The following AKIP1 variants were observed in gnomAD, a reference collection of about 807,000 sequenced individuals.
AKIP1 encodes the protein A-kinase interacting protein 1.
Under a neutral mutation model 22.3 loss-of-function variants are expected in AKIP1, and 18 were observed. The ratio of observed to expected loss-of-function variants is 0.81; its 90% confidence interval spans 0.56 to 1.19. AKIP1 has a LOEUF of 1.19. Among genes scored for constraint, AKIP1 ranks in the 50% most tolerant of loss-of-function variants. The pLI is 0.00. For synonymous variants in AKIP1, 120 were observed against 102.7 expected (o/e 1.17, Z -1.02); for missense variants, 287 against 264.6 (o/e 1.08, Z -0.59).
At chr11:8,916,339 G>A (rs978809588) in intron 4 of AKIP1, among the ~76,000 whole-genome samples, 8 of 152,182 alleles carry the variant, frequency 5.3e-5, no homozygotes, top group Non-Finnish European at 1.0e-4. Flanking sequence ...TTTTGTAAAG[G>A]TAATAACAGT....
intron 2 of AKIP1, among the ~76,000 whole-genome samples, 158 bp downstream of exon 2, chr11:8,911,829 T>C (rs1217119526): frequency 1.3e-5 from 2 of 151,982 alleles, no homozygotes; most frequent in Admixed American, 1.3e-4. Context: ...TCAAAACGCT[T>C]TACATTTGAC....
intron 5 of AKIP1, among the ~76,000 whole-genome samples, chr11:8,918,467 T>G (rs902414960): frequency 2.6e-5 from 4 of 152,232 alleles, no homozygotes; most frequent in African/African-American, 9.6e-5. Context: ...TGCAATTTGC[T>G]GGCCAGTAGT....
In AKIP1 at chr11:8,911,805, A is replaced by C; in HGVS notation, c.222+134A>C. 4 of 889,304 alleles carry C rather than the reference A, an allele frequency of 4.5e-6. No individual in the cohort carries two copies. In the South Asian group the frequency reaches 7.6e-5, roughly 17 times the overall value. 55.1% of individuals were successfully genotyped at this position (889,304 alleles called of 1,614,324 possible). A position where few individuals can be genotyped will look rare whatever the true frequency, so the allele number is the denominator to read the frequency against. ...AAGCTGGAAAGGATCAGAACAATGA[A>C]TGGAAAAGTCCTTTCAAAACGCTTT... On this transcript the variant is annotated intron_variant, in intron 2 of 5. Coordinates refer to ENST00000309377, the MANE Select transcript of AKIP1 (RefSeq NM_020642.4).
intron 5 of AKIP1, 168 bp downstream of exon 5, chr11:8,917,535 G>T: frequency 1.6e-6 from 1 of 623,622 alleles, no homozygotes; most frequent in South Asian, 1.9e-5. Context: ...GTAAAATTAG[G>T]TTTTCTTGGT....
At chr11:8,912,399 T>G in intron 2 of AKIP1, 54 bp from the exon 3 acceptor site, 2 of 1,475,382 alleles carry the variant, frequency 1.4e-6, no homozygotes, top group South Asian at 1.1e-5. Context: ...AATGGCTTCA[T>G]TCTCCAGTAG....
chr11:8,912,699 A>G (rs1432427989), intron 3 of AKIP1, among the ~76,000 whole-genome samples, 166 bp downstream of exon 3: 2 of 152,164 alleles, frequency 1.3e-5, no homozygotes, highest in Non-Finnish European at 2.9e-5. Context: ...AATCCAAGTT[A>G]GAATTCACCC....
At chr11:8,917,940 A>G (rs564380675) in intron 5 of AKIP1, 1 of 154,852 alleles carries the variant, frequency 6.5e-6, no homozygotes, top group East Asian at 1.9e-4. Flanking sequence ...AAGGAACTTC[A>G]TTCAGCATGG....
chr11:8,911,620 C>T lies in AKIP1; in HGVS notation c.171C>T (p.Pro57=), dbSNP rs1207583610. The change falls in exon 2 of 6, where the codon CCC becomes CCT. Residue 57 remains proline (P), a synonymous_variant. Transcript: ENST00000309377. ...GCMGVLAREA[P]HLEKQPAAGP... Reference sequence around the variant, plus strand: ...TGGGGGTCCTTGCCCGGGAGGCGCCCCACCTAGAGAAACAGCCGGCAGCCG... The same window carrying T: ...TGGGGGTCCTTGCCCGGGAGGCGCCTCACCTAGAGAAACAGCCGGCAGCCG... The T allele has an allele frequency of 6.3e-7, 1 of 1,597,742 alleles. No individual in the cohort carries two copies. Among genetic ancestry groups the T allele is most frequent in the Admixed American group, 1.8e-5 (1 of 56,894 alleles).
Position 8,912,456 on chromosome 11 carries a change from GAA to G in AKIP1, c.227_228del (p.Glu76GlyfsTer7), listed in dbSNP as rs771242599. On this transcript the variant is annotated frameshift_variant, in exon 3 of 6. Coordinates refer to ENST00000309377, the MANE Select transcript of AKIP1 (RefSeq NM_020642.4). LOFTEE classifies it high-confidence loss of function. ...GACGTGCCATTTATTCAAATAGAGA[GAA>G]GAGAGACCCCCAACCCTTAGTGCTT... is the stretch of plus-strand genomic sequence containing the variant. Reference protein sequence around the residue: ...GPQRVLPGEREERPPTLSASF... With the variant: ...GPQRVLPGERXERPPTLSASF... The G allele has an allele frequency of 7.4e-6, 12 of 1,613,572 alleles. No homozygotes were observed. Among genetic ancestry groups the G allele is most frequent in the Non-Finnish European group, 4.2e-6 (5 of 1,179,578 alleles).
rs1224536801 is a variant in AKIP1 at position 8,919,499 on chromosome 11, T to A, written c.*19T>A. On this transcript the variant is annotated 3_prime_UTR_variant, in exon 6 of 6. Transcript: ENST00000309377. ...TGTGTGATGTTGACCATCACTGCCA[T>A]CACATCACCTTTTTTTAAGTAGTAA... 1 of 1,610,134 alleles carries A rather than the reference T, an allele frequency of 6.2e-7. No individual in the cohort carries two copies. The highest frequency in any genetic ancestry group is 8.5e-7 in the Non-Finnish European group (1 of 1,178,754).
chr11:8,916,841 G>T (rs2064493280), intron 4 of AKIP1, among the ~76,000 whole-genome samples: 1 of 152,172 alleles, frequency 6.6e-6, no homozygotes, highest in African/African-American at 2.4e-5. Flanking sequence ...TAAAATGTAA[G>T]TTCCCTCTAA....
rs777816809 is a variant in AKIP1 at position 8,914,931 on chromosome 11, G to C, written c.408+1G>C. ...GTGCTTGGACATAGGGAATGGTCAG[G>C]TAAGTGTACTCAACTGTCCTGCACC... On this transcript the variant is annotated splice_donor_variant, in intron 4 of 5. Coordinates refer to ENST00000309377, the MANE Select transcript of AKIP1 (RefSeq NM_020642.4). LOFTEE classifies it high-confidence loss of function. 4.3e-6 allele frequency: 7 copies of C among 1,610,626 alleles called. No individual in the cohort carries two copies. In the Admixed American group the frequency reaches 1.0e-4, roughly 23 times the overall value.
intron 4 of AKIP1, among the ~76,000 whole-genome samples, chr11:8,915,506 C>T (rs1175441360): frequency 6.6e-6 from 1 of 151,716 alleles, no homozygotes; most frequent in Non-Finnish European, 1.5e-5. Context: ...GGACTACAGG[C>T]ACATGCCACC....
chr11:8,917,629 T>G, intron 5 of AKIP1: 1 of 512,916 alleles, frequency 1.9e-6, no homozygotes. Flanking sequence ...AGTATTCACC[T>G]CTCAGTTCCT....
chr11:8,911,638 G>A lies in AKIP1; in HGVS notation c.189G>A (p.Pro63=), dbSNP rs777140823. 6.3e-6 allele frequency: 10 copies of A among 1,582,564 alleles called. No individual in the cohort carries two copies. In the African/African-American group the frequency reaches 8.1e-5, roughly 13 times the overall value. Residue 63 remains proline (P), a synonymous_variant, in exon 2 of 6, where the codon CCG becomes CCA. Transcript: ENST00000309377. ...AGGCGCCCCACCTAGAGAAACAGCC[G>A]GCAGCCGGCCCGCAGCGCGTTCTCC... ...AREAPHLEKQ[P]AAGPQRVLPG... is the part of the protein sequence containing the mutation.
intron 3 of AKIP1, among the ~76,000 whole-genome samples, chr11:8,913,514 G>T (rs2064432504): frequency 6.6e-6 from 1 of 152,210 alleles, no homozygotes; most frequent in African/African-American, 2.4e-5. Context: ...CTTAGGGAAT[G>T]TTGAGGGCAG....
Position 8,919,578 on chromosome 11 carries a change from G to A in AKIP1, c.*98G>A, listed in dbSNP as rs184654217. On this transcript the variant is annotated 3_prime_UTR_variant, in exon 6 of 6. Transcript: ENST00000309377. ...TAGCTATACATTAATCCTGTTTTTAGTGCTGACTGGGTCAGCCTTCCGGGA... is the reference window on the plus strand; with the variant it reads ...TAGCTATACATTAATCCTGTTTTTAATGCTGACTGGGTCAGCCTTCCGGGA... The A allele has an allele frequency of 1.7e-4, 236 of 1,355,296 alleles. 3 individuals carry two copies. The Admixed American group carries it at 5.0e-3, about 29-fold the overall frequency. 84.0% of individuals were successfully genotyped at this position (1,355,296 alleles called of 1,614,324 possible).
chr11:8,914,448 C>T (rs1292935621), intron 3 of AKIP1, among the ~76,000 whole-genome samples: 5 of 152,132 alleles, frequency 3.3e-5, no homozygotes. Context: ...GAGACTTAGA[C>T]AATAAACATG....
intron 4 of AKIP1, 83 bp downstream of exon 4, chr11:8,915,013 T>C (rs192732814): frequency 1.1e-5 from 12 of 1,052,990 alleles, no homozygotes; most frequent in Admixed American, 4.4e-5. Flanking sequence ...TGCTAGACTT[T>C]GTGTCACTGG....
Sources: allele counts gnomAD v4.1 joint callset (sites outside exome capture counted in the v4.1 genomes callset), GRCh38; gene constraint gnomAD v4.1.1; transcripts MANE v1.5; gene names NCBI Gene and HGNC (gene_info 2026-07-23, HGNC 2026-07-21).